The following GASK1A variants were observed in gnomAD, a reference collection of about 807,000 sequenced individuals.
GASK1A encodes Golgi-associated kinase 1A.
A neutral mutation model predicts 41.2 loss-of-function variants in GASK1A; 40 were observed. That is an observed-to-expected ratio of 0.97 (90% CI 0.75 to 1.27). The LOEUF is 1.27. GASK1A is among the 50% of genes most tolerant of loss of function. The pLI is 0.00. For missense variants in GASK1A, 678 were observed against 745.1 expected, an observed-to-expected ratio of 0.91 and a Z score of 1.05; for synonymous variants, 316 against 307.1, an observed-to-expected ratio of 1.03 and a Z score of -0.30.
chr3:43,032,306 C>T lies in GASK1A; in HGVS notation c.43C>T (p.Pro15Ser). 6.5e-7 allele frequency: 1 copy of T among 1,538,040 alleles called. No individual in the cohort carries two copies. The highest frequency in any genetic ancestry group is 8.8e-7 in the Non-Finnish European group (1 of 1,136,804). Residue 15 changes from proline to serine, a missense_variant, in exon 2 of 5, where the codon CCA becomes TCA. Coordinates refer to ENST00000430121, the MANE Select transcript of GASK1A (RefSeq NM_001129908.3). The stretch of plus-strand genomic sequence containing the variant: ...GAGAAAGCTGCGTGGCAAGAGGCGG[C>T]CAGTGATAGCGTTCTGCCTCTTGAT... Reference protein sequence around the residue: ...LRRKLRGKRRPVIAFCLLMIL... With the variant: ...LRRKLRGKRRSVIAFCLLMIL...
chr3:43,022,306 T>C (rs894039311), intron 1 of GASK1A, among the ~76,000 whole-genome samples: 1 of 152,248 alleles, frequency 6.6e-6, no homozygotes, highest in Admixed American at 6.5e-5. Context: ...GTTTTGAACT[T>C]TTCTCTCTGC....
chr3:43,033,600 G>A (rs2089591213), intron 2 of GASK1A, 47 bp downstream of exon 2: 3 of 1,456,562 alleles, frequency 2.1e-6, no homozygotes, highest in South Asian at 2.8e-5. Context: ...GAGGTAGGGG[G>A]TTCTGGGTGG....
chr3:43,014,763 C>A (rs922019970), intron 1 of GASK1A, among the ~76,000 whole-genome samples: 5 of 150,906 alleles, frequency 3.3e-5, no homozygotes, highest in Non-Finnish European at 7.4e-5. Context: ...GGAAAGGGCA[C>A]TTTGATATCA....
intron 1 of GASK1A, among the ~76,000 whole-genome samples, chr3:42,999,951 A>T (rs544701988): frequency 2.6e-5 from 4 of 152,210 alleles, no homozygotes; most frequent in East Asian, 3.9e-4. Context: ...CCTCTTCTGT[A>T]TTCATTTTTC....
intron 1 of GASK1A, among the ~76,000 whole-genome samples, chr3:43,026,823 A>T (rs1044964460): frequency 6.6e-6 from 1 of 150,492 alleles, no homozygotes; most frequent in African/African-American, 2.4e-5. Flanking sequence ...AAAGTAAAAT[A>T]AAGTCATGGA....
Position 43,032,868 on chromosome 3 carries a change from A to T in GASK1A, c.605A>T (p.Asp202Val). ...TGGCCCCATACAGCAGAAGGCAGGG[A>T]TCTGCTGGGAGCTGAGAACAGAGCC... ...TLWPHTAEGR[D>V]LLGAENRALT... Residue 202 changes from aspartate to valine, a missense_variant, in exon 2 of 5, where the codon GAT becomes GTT. Asp to Val is a radical substitution (Grantham distance 152). Transcript: ENST00000430121. The T allele has an allele frequency of 1.3e-6, 2 of 1,549,878 alleles. No individual in the cohort carries two copies. The highest frequency in any genetic ancestry group is 1.7e-6 in the Non-Finnish European group (2 of 1,147,010).
chr3:43,044,934 G>A (rs2089655299), intron 2 of GASK1A, among the ~76,000 whole-genome samples: 1 of 152,150 alleles, frequency 6.6e-6, no homozygotes, highest in Non-Finnish European at 1.5e-5. Context: ...GCCAACGCTA[G>A]TATGGAGGCT....
intron 1 of GASK1A, among the ~76,000 whole-genome samples, chr3:43,022,082 C>T (rs150806078): frequency 2.0e-5 from 3 of 152,208 alleles, no homozygotes; most frequent in Non-Finnish European, 2.9e-5. Flanking sequence ...GGCCGCCCCC[C>T]GGCATGTCTG....
chr3:43,024,410 C>T (rs1031928451), intron 1 of GASK1A, among the ~76,000 whole-genome samples: 35 of 152,162 alleles, frequency 2.3e-4, no homozygotes, highest in Middle Eastern at 3.2e-3. Context: ...TGTGGCATGC[C>T]GTACTTCCTG....
At chr3:43,047,815 G>A (rs2089671161) in intron 2 of GASK1A, among the ~76,000 whole-genome samples, 1 of 152,166 alleles carries the variant, frequency 6.6e-6, no homozygotes, top group South Asian at 2.1e-4. Flanking sequence ...ATAATATGGA[G>A]CTGCTAAATC....
At chr3:43,010,763 A>T (rs1256076388) in intron 1 of GASK1A, among the ~76,000 whole-genome samples, 1 of 152,148 alleles carries the variant, frequency 6.6e-6, no homozygotes, top group Non-Finnish European at 1.5e-5. Context: ...AGCTATTGCC[A>T]TTTGTTCTCC....
Position 43,033,229 on chromosome 3 carries a change from GC to G in GASK1A, c.968del (p.Pro323LeufsTer12). On this transcript the variant is annotated frameshift_variant, in exon 2 of 5. Transcript: ENST00000430121. LOFTEE classifies it high-confidence loss of function. ...SQGLCGLIKR[P>X]GDLPEVLSFH... ...AAGGGCTCTGTGGCCTGATCAAGAG[GC>G]CTGGGGACCTGCCTGAGGTCCTGTC... The G allele has an allele frequency of 6.4e-7, 1 of 1,551,724 alleles. No homozygotes were observed.
intron 1 of GASK1A, among the ~76,000 whole-genome samples, chr3:43,003,751 A>G (rs1229197500): frequency 2.0e-5 from 3 of 152,190 alleles, no homozygotes; most frequent in Non-Finnish European, 2.9e-5. Context: ...TTTCTTGTCC[A>G]TGTTTTATAA....
At chr3:43,023,277 G>A (rs1042209374) in intron 1 of GASK1A, among the ~76,000 whole-genome samples, 1 of 152,208 alleles carries the variant, frequency 6.6e-6, no homozygotes, top group Non-Finnish European at 1.5e-5. Flanking sequence ...AAAGCTGGAA[G>A]AGGCAAGGAA....
chr3:43,043,997 A>G (rs759865731), intron 2 of GASK1A, among the ~76,000 whole-genome samples: 1 of 152,156 alleles, frequency 6.6e-6, no homozygotes, highest in Non-Finnish European at 1.5e-5. Context: ...AAACATTCAA[A>G]TGGGTGTAGA....
chr3:43,013,652 G>C (rs75462982), intron 1 of GASK1A, among the ~76,000 whole-genome samples: 2,115 of 152,230 alleles, frequency 0.014, 25 homozygotes, highest in East Asian at 0.023. Context: ...GAGGCCACCA[G>C]AATGTGCAGT....
chr3:42,992,314 TG>T (rs2089345586), intron 1 of GASK1A, among the ~76,000 whole-genome samples: 2 of 152,190 alleles, frequency 1.3e-5, no homozygotes, highest in East Asian at 3.8e-4. Flanking sequence ...CTCACCACCT[TG>T]GGCATTTCAG....
At chr3:43,037,051 G>A (rs776487035) in intron 2 of GASK1A, 14 of 503,302 alleles carry the variant, frequency 2.8e-5, no homozygotes, top group Middle Eastern at 5.0e-4. Context: ...TCCAAGGTGT[G>A]AAAAATTAAG....
chr3:43,010,689 C>G (rs549581475), intron 1 of GASK1A, among the ~76,000 whole-genome samples: 1 of 152,310 alleles, frequency 6.6e-6, no homozygotes, highest in Admixed American at 6.5e-5. Flanking sequence ...CTCCCCACAC[C>G]CATCCCAACT....
Sources: gnomAD v4.1 joint callset for allele counts (sites outside exome capture counted in the v4.1 genomes callset) on GRCh38, gnomAD v4.1.1 for gene constraint, MANE v1.5 for transcripts, NCBI Gene and HGNC (gene_info 2026-07-23, HGNC 2026-07-21) for gene names.